Variants in ADGRL3 observed in about 807,000 individuals in gnomAD.
The protein encoded by ADGRL3 is calcium-independent alpha-latrotoxin receptor 3.
ADGRL3 carries 62 observed loss-of-function variants against 153.5 expected under a neutral mutation model. The ratio of observed to expected loss-of-function variants is 0.40; its 90% CI spans 0.33 to 0.50. ADGRL3 has a LOEUF of 0.50. Among genes scored for constraint, ADGRL3 ranks in the 20% least tolerant of loss-of-function variants. The pLI is 0.47. For missense variants in ADGRL3, 1,641 were observed against 1,859.4 expected (o/e 0.88, Z 2.16); for synonymous variants, 710 against 672.5 (o/e 1.06, Z -0.86).
intron 15 of ADGRL3, among the ~76,000 whole-genome samples, chr4:61,939,387 T>C: frequency 6.6e-6 from 1 of 152,182 alleles, no homozygotes; most frequent in East Asian, 1.9e-4. Context: ...CCCGTGTCTC[T>C]TACCAGTCTT....
intron 5 of ADGRL3, among the ~76,000 whole-genome samples, chr4:61,623,204 G>C (rs1443509946): frequency 2.0e-5 from 3 of 151,958 alleles, no homozygotes; most frequent in African/African-American, 7.3e-5. Context: ...CTTTCATTTA[G>C]TCTTTGCCAC....
At chr4:61,858,992 A>G (rs1460149218) in intron 9 of ADGRL3, among the ~76,000 whole-genome samples, 2 of 152,240 alleles carry the variant, frequency 1.3e-5, no homozygotes, top group East Asian at 3.9e-4. Flanking sequence ...AGTCAATAAA[A>G]GAGATTTGGG....
intron 9 of ADGRL3, among the ~76,000 whole-genome samples, chr4:61,856,057 A>T (rs1263014528): frequency 6.6e-6 from 1 of 152,146 alleles, no homozygotes; most frequent in South Asian, 2.1e-4. Context: ...AGTCAGAGGC[A>T]TGAAGCAGTC....
chr4:61,838,784 C>A (rs550332462), intron 9 of ADGRL3, among the ~76,000 whole-genome samples: 1 of 152,070 alleles, frequency 6.6e-6, no homozygotes, highest in South Asian at 2.1e-4. Flanking sequence ...AATTTCTTTT[C>A]TTTGTTATTT....
chr4:61,980,589 G>T (rs2099064756), intron 18 of ADGRL3, among the ~76,000 whole-genome samples: 1 of 151,788 alleles, frequency 6.6e-6, no homozygotes, highest in African/African-American at 2.4e-5. Flanking sequence ...ACAGGCATTT[G>T]CCACCAAGCC....
intron 5 of ADGRL3, among the ~76,000 whole-genome samples, chr4:61,676,240 T>C (rs1201930269): frequency 6.6e-6 from 1 of 152,050 alleles, no homozygotes; most frequent in African/African-American, 2.4e-5. Flanking sequence ...ACGTGACAGT[T>C]AATTCCTAAA....
At chr4:61,309,969 A>AT (rs1578213470) in intron 1 of ADGRL3, among the ~76,000 whole-genome samples, 1 of 151,822 alleles carries the variant, frequency 6.6e-6, no homozygotes, top group Non-Finnish European at 1.5e-5. Flanking sequence ...CTAAGTTATT[A>AT]TTTTTTGGCA....
chr4:61,271,999 T>G (rs1386378623), intron 1 of ADGRL3, among the ~76,000 whole-genome samples: 1 of 152,058 alleles, frequency 6.6e-6, no homozygotes, highest in Non-Finnish European at 1.5e-5. Flanking sequence ...CCACTAGAGA[T>G]GAAAATACAT....
intron 6 of ADGRL3, among the ~76,000 whole-genome samples, chr4:61,709,632 T>G (rs2095927535): frequency 6.6e-6 from 1 of 152,170 alleles, no homozygotes; most frequent in Admixed American, 6.6e-5. Flanking sequence ...TGGCTGGGAT[T>G]GAATTTGTGA....
At chr4:61,434,511 A>G (rs2097419827) in intron 2 of ADGRL3, among the ~76,000 whole-genome samples, 1 of 152,112 alleles carries the variant, frequency 6.6e-6, no homozygotes, top group Non-Finnish European at 1.5e-5. Context: ...AAATGAAATG[A>G]TATTTTGATT....
chr4:61,379,663 A>G (rs2096644905), intron 1 of ADGRL3, among the ~76,000 whole-genome samples: 1 of 152,046 alleles, frequency 6.6e-6, no homozygotes, highest in Admixed American at 6.6e-5. Context: ...TCAGTAGGTG[A>G]TGCCACATAA....
intron 17 of ADGRL3, among the ~76,000 whole-genome samples, chr4:61,949,309 T>A (rs560548307): frequency 6.6e-6 from 1 of 152,314 alleles, no homozygotes; most frequent in South Asian, 2.1e-4. Context: ...GCATTAAAAA[T>A]TTAATTTTTG....
chr4:61,472,556 C>G (rs1213926215), intron 2 of ADGRL3, among the ~76,000 whole-genome samples: 1 of 151,986 alleles, frequency 6.6e-6, no homozygotes, highest in South Asian at 2.1e-4. Context: ...TTTTTGTTAT[C>G]TAATCTTGGA....
intron 1 of ADGRL3, among the ~76,000 whole-genome samples, chr4:61,291,599 TATATACACACACATATATATATATATAA>T (rs1334946383): frequency 0.13 from 2,034 of 15,186 alleles, 27 homozygotes; most frequent in Middle Eastern, 0.24. Flanking sequence ...TATATATATA[TATATACACACACATATATATATATATAA>T]AATATTTATT....
chr4:61,454,929 G>T (rs2097717117), intron 2 of ADGRL3, among the ~76,000 whole-genome samples: 1 of 151,838 alleles, frequency 6.6e-6, no homozygotes, highest in Admixed American at 6.6e-5. Flanking sequence ...CTTTCATATT[G>T]GAAATTCTTC....
At position 61,860,530 on chromosome 4, in the gene ADGRL3, C is replaced by T. The variant is rs536091171; in HGVS notation, c.1481-32126C>T. 1.9e-4 allele frequency among the ~76,000 whole-genome samples: 29 copies of T among 152,026 alleles called. No homozygotes were observed. The South Asian group carries it at 6.0e-3, about 32-fold the overall frequency. Reference sequence around the variant, plus strand: ...CTCTGGATCGGTGTGGAGTAGAAGACTTTTATGATGCTGGCATCAATTCAG... The same window carrying T: ...CTCTGGATCGGTGTGGAGTAGAAGATTTTTATGATGCTGGCATCAATTCAG... On this transcript the variant is annotated intron_variant, in intron 9 of 26. Coordinates refer to ENST00000683033, the MANE Select transcript of ADGRL3 (RefSeq NM_001387552.1).
At chr4:61,735,272 C>G (rs2096493709) in intron 8 of ADGRL3, among the ~76,000 whole-genome samples, 1 of 152,188 alleles carries the variant, frequency 6.6e-6, no homozygotes. Flanking sequence ...GTAGTATTTT[C>G]TCTAATCATG....
At chr4:61,381,809 T>G (rs891873080) in intron 1 of ADGRL3, among the ~76,000 whole-genome samples, 17 of 151,872 alleles carry the variant, frequency 1.1e-4, no homozygotes, top group African/African-American at 3.9e-4. Flanking sequence ...CCAGTGAAAT[T>G]TAAGCAGTTG....
At chr4:62,000,663 G>A (rs2099137037) in intron 21 of ADGRL3, among the ~76,000 whole-genome samples, 1 of 151,914 alleles carries the variant, frequency 6.6e-6, no homozygotes, top group South Asian at 2.1e-4. Flanking sequence ...CCATTAAATG[G>A]GCAGAAGAAC....
Sources: gnomAD v4.1 joint callset for allele counts (sites outside exome capture counted in the v4.1 genomes callset) on GRCh38, gnomAD v4.1.1 for gene constraint, MANE v1.5 for transcripts, NCBI Gene and HGNC (gene_info 2026-07-23, HGNC 2026-07-21) for gene names.